Variants in ANO4 observed in about 807,000 individuals in gnomAD.
ANO4 encodes anoctamin-4.
In ANO4, 69 loss-of-function variants were observed where a neutral mutation model predicts 141.9. The ratio of observed to expected loss-of-function variants is 0.49; its 90% CI spans 0.40 to 0.59. The LOEUF is 0.59. Among genes scored for constraint, ANO4 ranks in the 20% least tolerant of loss-of-function variants. The probability of loss-of-function intolerance (pLI) is 0.00; values close to 1 mark genes in which losing one functional copy is unlikely to be tolerated. For synonymous variants in ANO4, 350 were observed against 394.3 expected (o/e 0.89, Z 1.33); for missense variants, 894 against 1,162.2 (o/e 0.77, Z 3.36).
intron 2 of ANO4, among the ~76,000 whole-genome samples, chr12:100,920,065 A>T (rs2136098353): frequency 6.6e-6 from 1 of 152,216 alleles, no homozygotes; most frequent in Non-Finnish European, 1.5e-5. Flanking sequence ...ACAAATAAAT[A>T]AATTGGGCTT....
chr12:101,051,125 C>T (rs1306174564), intron 14 of ANO4, among the ~76,000 whole-genome samples: 4 of 152,240 alleles, frequency 2.6e-5, no homozygotes, highest in Non-Finnish European at 5.9e-5. Context: ...TCCCCCACTA[C>T]CTCCATTATA....
At chr12:100,791,755 T>G (rs1222291101), upstream of ANO4, among the ~76,000 whole-genome samples, 1 of 152,216 alleles carries the variant, frequency 6.6e-6, no homozygotes. Context: ...TACATTGTCT[T>G]TGCCACTTGG....
intron 3 of ANO4, among the ~76,000 whole-genome samples, chr12:100,926,885 A>G (rs1253671719): frequency 1.3e-5 from 2 of 151,952 alleles, no homozygotes; most frequent in Non-Finnish European, 2.9e-5. Flanking sequence ...GGGAATGGCT[A>G]TGTTGCATGC....
At chr12:101,112,715 G>T (rs1171436864) in intron 24 of ANO4, among the ~76,000 whole-genome samples, 3 of 152,156 alleles carry the variant, frequency 2.0e-5, no homozygotes, top group Non-Finnish European at 4.4e-5. Flanking sequence ...TGCAAACCTG[G>T]CCTGGGTCCA....
intron 2 of ANO4, among the ~76,000 whole-genome samples, chr12:100,907,351 A>G (rs1331971105): frequency 2.6e-5 from 4 of 152,274 alleles, no homozygotes; most frequent in Admixed American, 6.5e-5. Flanking sequence ...ATAAATGTCT[A>G]CTAGCCCTTC....
At chr12:100,975,412 T>C (rs1844537871) in intron 7 of ANO4, among the ~76,000 whole-genome samples, 1 of 144,056 alleles carries the variant, frequency 6.9e-6, no homozygotes, top group South Asian at 2.4e-4. Flanking sequence ...CTTTTTTCTT[T>C]TTCTTTCTTT....
intron 1 of ANO4, among the ~76,000 whole-genome samples, chr12:100,896,221 G>A (rs2040346010): frequency 1.3e-5 from 2 of 152,140 alleles, no homozygotes; most frequent in South Asian, 4.1e-4. Context: ...GTTTACTTAG[G>A]AATCTTGAGA....
At chr12:100,898,946 TG>T (rs1360172827) in intron 1 of ANO4, among the ~76,000 whole-genome samples, 48 of 152,318 alleles carry the variant, frequency 3.2e-4, no homozygotes, top group Non-Finnish European at 2.2e-4. Context: ...TGGTTCAGTT[TG>T]TACCTCCGTG....
chr12:101,079,164 AT>A, intron 14 of ANO4, 28 bp from the exon 15 acceptor site: 3 of 1,598,980 alleles, frequency 1.9e-6, no homozygotes, highest in Non-Finnish European at 2.6e-6. Context: ...TTATTCAAAA[AT>A]GTCTTTGTCT....
At chr12:100,770,058 AT>A (rs1208206500) in intron 3 of ANO4, among the ~76,000 whole-genome samples, 17 of 152,268 alleles carry the variant, frequency 1.1e-4, no homozygotes, top group Non-Finnish European at 1.5e-5. Flanking sequence ...TTTAGAATTT[AT>A]AAAAATGTTT....
intron 9 of ANO4, among the ~76,000 whole-genome samples, chr12:101,035,215 G>C (rs1329010104): frequency 6.6e-6 from 1 of 152,100 alleles, no homozygotes; most frequent in Admixed American, 6.6e-5. Context: ...GCAATAAAAA[G>C]AAATGAGCTA....
At chr12:101,012,275 A>AC (rs751954364) in intron 8 of ANO4, among the ~76,000 whole-genome samples, 1 of 152,056 alleles carries the variant, frequency 6.6e-6, no homozygotes, top group Non-Finnish European at 1.5e-5. Flanking sequence ...AAAAATGTAG[A>AC]CACATCCCCA....
At chr12:100,796,262 C>A (rs1044414226) in intron 1 of ANO4, among the ~76,000 whole-genome samples, 1 of 152,066 alleles carries the variant, frequency 6.6e-6, no homozygotes, top group Non-Finnish European at 1.5e-5. Context: ...TGAACTAATA[C>A]AATGTGATTT....
chr12:100,892,460 G>A lies in ANO4; in HGVS notation c.-140-9186G>A, dbSNP rs1593659474. Reference sequence around the variant, plus strand: ...CCAAGGTCTTAGCTAATCTCCCAGGGACTGAACACTCTCCAGACAAAATCA... The same window carrying A: ...CCAAGGTCTTAGCTAATCTCCCAGGAACTGAACACTCTCCAGACAAAATCA... On this transcript the variant is annotated intron_variant, in intron 1 of 27. Transcript: ENST00000392977. Among the ~76,000 whole-genome samples, 5 of 152,260 alleles carry A rather than the reference G, an allele frequency of 3.3e-5. No individual in the cohort carries two copies. The South Asian group carries it at 1.0e-3, about 32-fold the overall frequency.
chr12:100,801,083 T>A (rs1029908377), intron 1 of ANO4, among the ~76,000 whole-genome samples: 5 of 138,768 alleles, frequency 3.6e-5, no homozygotes, highest in South Asian at 4.9e-4. Context: ...TACAGACTGT[T>A]TGTCTACTTG....
chr12:100,732,695 T>A (rs1467411147), intron 1 of ANO4, among the ~76,000 whole-genome samples: 1 of 152,200 alleles, frequency 6.6e-6, no homozygotes, highest in Non-Finnish European at 1.5e-5. Flanking sequence ...CCTGCAATGT[T>A]TCATAAACAA....
At chr12:101,113,619 G>A (rs1240715905) in intron 24 of ANO4, among the ~76,000 whole-genome samples, 1 of 151,986 alleles carries the variant, frequency 6.6e-6, no homozygotes, top group Admixed American at 6.6e-5. Flanking sequence ...TGCCTCACTG[G>A]CCACTCTATT....
chr12:101,018,024 T>A (rs1231808053), intron 8 of ANO4, among the ~76,000 whole-genome samples: 1 of 152,186 alleles, frequency 6.6e-6, no homozygotes, highest in Non-Finnish European at 1.5e-5. Context: ...AGAAAACCAT[T>A]TAATGGAGGA....
chr12:101,036,472 T>C (rs1292625522), intron 9 of ANO4, among the ~76,000 whole-genome samples: 1 of 152,028 alleles, frequency 6.6e-6, no homozygotes, highest in Non-Finnish European at 1.5e-5. Context: ...GAAGAATGGA[T>C]AAAGGAATTG....
Sources: gnomAD v4.1 joint callset for allele counts (sites outside exome capture counted in the v4.1 genomes callset) on GRCh38, gnomAD v4.1.1 for gene constraint, MANE v1.5 for transcripts, NCBI Gene and HGNC (gene_info 2026-07-23, HGNC 2026-07-21) for gene names.